The following ROBO1 variants were observed in gnomAD, a reference collection of about 807,000 sequenced individuals.
The protein encoded by ROBO1 is roundabout guidance receptor 1.
ROBO1 carries 149 observed loss-of-function variants against 195.9 expected under a neutral mutation model. The observed-to-expected ratio is 0.76, with a 90% confidence interval of 0.67 to 0.87. The LOEUF (loss-of-function observed/expected upper bound fraction) is 0.87. Among genes scored for constraint, ROBO1 ranks in the 40% least tolerant of loss-of-function variants. ROBO1 has a pLI of 0.00. For synonymous variants in ROBO1, 816 were observed against 733.2 expected, an observed-to-expected ratio of 1.11 and a Z score of -1.82; for missense variants, 1,933 against 2,068.3, an observed-to-expected ratio of 0.93 and a Z score of 1.27.
At chr3:79,690,041 T>G (rs1464114948) in intron 1 of ROBO1, among the ~76,000 whole-genome samples, 1 of 152,014 alleles carries the variant, frequency 6.6e-6, no homozygotes, top group South Asian at 2.1e-4. Context: ...AGTTAATCAA[T>G]AGTTTATTTG....
intron 2 of ROBO1, among the ~76,000 whole-genome samples, chr3:79,158,735 T>C (rs1446515476): frequency 6.6e-6 from 1 of 151,894 alleles, no homozygotes; most frequent in East Asian, 1.9e-4. Context: ...TTAGCCTCTA[T>C]TTCATTGTGT....
intron 2 of ROBO1, among the ~76,000 whole-genome samples, chr3:79,416,468 A>C (rs563725432): frequency 6.6e-6 from 1 of 151,528 alleles, no homozygotes; most frequent in African/African-American, 2.4e-5. Context: ...ACAACAACAA[A>C]AAATTAGCCA....
At chr3:79,683,609 C>T (rs1416180092) in intron 1 of ROBO1, among the ~76,000 whole-genome samples, 1 of 151,992 alleles carries the variant, frequency 6.6e-6, no homozygotes, top group Non-Finnish European at 1.5e-5. Flanking sequence ...TCCCTATTTC[C>T]CCTCATCTCC....
At chr3:78,719,828 A>G (rs781652764) in intron 5 of ROBO1, among the ~76,000 whole-genome samples, 11 of 152,146 alleles carry the variant, frequency 7.2e-5, no homozygotes, top group Admixed American at 1.3e-4. Context: ...ATTCTTTTGT[A>G]TATATCTTTT....
chr3:79,626,254 G>A (rs929021304), intron 1 of ROBO1, among the ~76,000 whole-genome samples: 2 of 152,124 alleles, frequency 1.3e-5, no homozygotes, highest in African/African-American at 4.8e-5. Context: ...AGACCATCCT[G>A]GTGAACATGG....
At chr3:78,841,026 C>A (rs954601606) in intron 4 of ROBO1, among the ~76,000 whole-genome samples, 9 of 149,298 alleles carry the variant, frequency 6.0e-5, no homozygotes, top group Admixed American at 1.3e-4. Context: ...CACGCCACTG[C>A]ACTCCAGCCT....
Position 79,454,242 on chromosome 3 carries a change from T to A in ROBO1, c.88+135582A>T, listed in dbSNP as rs558126997. On this transcript the variant is annotated intron_variant, in intron 2 of 30. Coordinates refer to ENST00000464233, the MANE Select transcript of ROBO1 (RefSeq NM_002941.4). Reference sequence around the variant, plus strand: ...TGATTTCATTACATGAAGAAAAAAATAGGTATTGCAGCATCCTGTTACCAA... The same window carrying A: ...TGATTTCATTACATGAAGAAAAAAAAAGGTATTGCAGCATCCTGTTACCAA... Among the ~76,000 whole-genome samples, 32 of 149,724 alleles carry A rather than the reference T, an allele frequency of 2.1e-4. No homozygotes were observed. The East Asian group carries it at 3.9e-3, about 18-fold the overall frequency.
intron 2 of ROBO1, among the ~76,000 whole-genome samples, chr3:79,254,055 T>G (rs192872052): frequency 1.3e-5 from 2 of 152,296 alleles, no homozygotes; most frequent in Admixed American, 6.5e-5. Context: ...TTTATTTTCT[T>G]GAAATGCTTT....
At chr3:78,994,172 T>C (rs1205174291) in intron 3 of ROBO1, among the ~76,000 whole-genome samples, 1 of 152,150 alleles carries the variant, frequency 6.6e-6, no homozygotes, top group Non-Finnish European at 1.5e-5. Flanking sequence ...GCTTTCGCCT[T>C]TTAATTCCAT....
intron 4 of ROBO1, among the ~76,000 whole-genome samples, chr3:78,921,520 TA>T (rs1281720826): frequency 6.6e-6 from 1 of 152,170 alleles, no homozygotes; most frequent in Non-Finnish European, 1.5e-5. Context: ...TGTAGTACAG[TA>T]AATGTCCCAA....
intron 5 of ROBO1, among the ~76,000 whole-genome samples, chr3:78,724,217 A>C (rs2082109514): frequency 1.3e-5 from 2 of 152,176 alleles, no homozygotes; most frequent in Admixed American, 1.3e-4. Flanking sequence ...CAATGACTAC[A>C]TTGAAATGGA....
intron 2 of ROBO1, among the ~76,000 whole-genome samples, chr3:79,499,172 G>C (rs1402209412): frequency 2.0e-5 from 3 of 151,984 alleles, no homozygotes; most frequent in Admixed American, 6.6e-5. Context: ...TTTTTGAATT[G>C]TTAGTAGAGA....
intron 4 of ROBO1, among the ~76,000 whole-genome samples, chr3:78,822,578 T>C (rs1229434205): frequency 6.6e-6 from 1 of 152,220 alleles, no homozygotes; most frequent in Non-Finnish European, 1.5e-5. Flanking sequence ...AGATTATAGA[T>C]ACTTTGAAAG....
chr3:79,519,319 G>T (rs977434948), intron 2 of ROBO1, among the ~76,000 whole-genome samples: 2 of 151,996 alleles, frequency 1.3e-5, no homozygotes, highest in African/African-American at 4.8e-5. Context: ...TATTGATGGA[G>T]ACAGAAATAG....
chr3:78,996,245 A>G (rs2077361936), intron 3 of ROBO1, among the ~76,000 whole-genome samples: 1 of 151,698 alleles, frequency 6.6e-6, no homozygotes, highest in Admixed American at 6.6e-5. Context: ...CAGCACTTTA[A>G]GAGGCTGAGA....
At chr3:79,577,267 C>A (rs1943517380) in intron 2 of ROBO1, among the ~76,000 whole-genome samples, 2 of 152,122 alleles carry the variant, frequency 1.3e-5, no homozygotes. Flanking sequence ...TTTATTTACA[C>A]TGAAGACATT....
intron 1 of ROBO1, among the ~76,000 whole-genome samples, chr3:79,729,418 T>C (rs1260596632): frequency 2.0e-5 from 3 of 152,064 alleles, no homozygotes; most frequent in African/African-American, 7.2e-5. Flanking sequence ...CCATATGAAG[T>C]AAAAGGAAAA....
intron 2 of ROBO1, among the ~76,000 whole-genome samples, chr3:79,161,920 A>T (rs1470858525): frequency 6.6e-6 from 1 of 152,134 alleles, no homozygotes; most frequent in Non-Finnish European, 1.5e-5. Context: ...CATAATTTCA[A>T]ATTAATAGAT....
chr3:79,024,930 T>G (rs2078175130), intron 3 of ROBO1, among the ~76,000 whole-genome samples: 1 of 152,184 alleles, frequency 6.6e-6, no homozygotes, highest in African/African-American at 2.4e-5. Context: ...AGAGGGATCT[T>G]GTTAAATCTG....
Sources: gnomAD v4.1 joint callset for allele counts (sites outside exome capture counted in the v4.1 genomes callset) on GRCh38, gnomAD v4.1.1 for gene constraint, MANE v1.5 for transcripts, NCBI Gene and HGNC (gene_info 2026-07-23, HGNC 2026-07-21) for gene names.